METTL6: variants seen among roughly 807,000 people sequenced by gnomAD.
METTL6 encodes the protein tRNA N(3)-cytidine methyltransferase METTL6.
Under a neutral mutation model 26.4 loss-of-function variants are expected in METTL6, and 22 were observed. The ratio of observed to expected loss-of-function variants is 0.83; its 90% CI spans 0.59 to 1.19. METTL6 has a LOEUF of 1.19. Ranked by LOEUF, METTL6 falls within the 50% of genes most tolerant of loss-of-function variation. The probability of loss-of-function intolerance (pLI) is 0.00; values close to 1 mark genes in which losing one functional copy is unlikely to be tolerated. For missense variants in METTL6, 304 were observed against 324.8 expected (o/e 0.94, Z 0.49); for synonymous variants, 109 against 116.2 (o/e 0.94, Z 0.40).
chr3:15,397,612 C>T (rs570245848), intron 6 of METTL6, among the ~76,000 whole-genome samples: 95 of 152,270 alleles, frequency 6.2e-4, no homozygotes, highest in African/African-American at 2.1e-3. Flanking sequence ...TGTTCCTATT[C>T]GGCCATCTTC....
rs551800321 is a variant in METTL6, at chr3:15,426,287, C to T, written c.225G>A (p.Glu75=). Residue 75 remains glutamate (E), a splice_region_variant and synonymous_variant, in exon 2 of 6, where the codon GAG becomes GAA. Transcript: ENST00000383790. ...REFEELRSCR[E]FEDQKLTMLE... ...CAGATAAGGCGTAATATTAGCTTAC[C>T]TCTCTACATGATCTTAGCTCCTCAA... 6.2e-7 allele frequency: 1 copy of T among 1,612,800 alleles called. No homozygotes were observed. Among genetic ancestry groups the T allele is most frequent in the Middle Eastern group, 1.7e-4 (1 of 6,060 alleles).
intron 6 of METTL6, among the ~76,000 whole-genome samples, chr3:15,400,125 G>A (rs1484307345): frequency 6.6e-6 from 1 of 152,100 alleles, no homozygotes; most frequent in African/African-American, 2.4e-5. Context: ...CCACCCTTCT[G>A]AAGGGTGCTA....
rs2061687646 is a variant in METTL6 at position 15,425,055 on chromosome 3, C to A, written c.260G>T (p.Gly87Val). Reference protein sequence around the residue: ...EDQKLTMLEAGCGVGNCLFPL... With the variant: ...EDQKLTMLEAVCGVGNCLFPL... ...GAATAAACAGTTTCCAACCCCACAG[C>A]CAGCTTCAAGCATTGTTAACTTTTG... The change falls in exon 3 of 6, where the codon GGC (glycine) becomes GTC (valine). Residue 87 changes from glycine (G) to valine (V), a missense_variant. Transcript: ENST00000383790. 5 of 1,614,170 alleles carry A rather than the reference C, an allele frequency of 3.1e-6. No homozygotes were observed. The highest frequency in any genetic ancestry group is 3.4e-6 in the Non-Finnish European group (4 of 1,180,030).
At chr3:15,421,114 C>T (rs965243259) in intron 3 of METTL6, among the ~76,000 whole-genome samples, 4 of 152,152 alleles carry the variant, frequency 2.6e-5, no homozygotes, top group Non-Finnish European at 4.4e-5. Flanking sequence ...ATCTCCATAT[C>T]TAGAAGATGG....
chr3:15,415,803 T>G lies in METTL6; in HGVS notation c.500A>C (p.Lys167Thr). The stretch of plus-strand genomic sequence containing the variant: ...AATGTTTTGTAAGACAAGGTGCATC[T>G]TATCAGGATGAACAGCTGACAGCAC... Reference protein sequence around the residue: ...IFVLSAVHPDKMHLVLQNIYK... With the variant: ...IFVLSAVHPDTMHLVLQNIYK... The change falls in exon 4 of 6, where the codon AAG becomes ACG. Residue 167 changes from lysine (K) to threonine (T), a missense_variant. By Grantham distance (78) the Lys-to-Thr change is moderately conservative. Coordinates refer to ENST00000383790, the MANE Select transcript of METTL6 (RefSeq NM_152396.4). 6.2e-7 allele frequency: 1 copy of G among 1,613,978 alleles called. No individual in the cohort carries two copies. Among genetic ancestry groups the G allele is most frequent in the Non-Finnish European group, 8.5e-7 (1 of 1,179,978 alleles).
exon 7 of METTL6, chr3:15,382,033 C>T (rs1699092397): frequency 6.6e-6 from 1 of 150,950 alleles, no homozygotes; most frequent in Non-Finnish European, 1.5e-5. Context: ...ATCCCTGGAA[C>T]TAACATTTCT....
intron 3 of METTL6, among the ~76,000 whole-genome samples, chr3:15,420,607 C>G (rs767635834): frequency 1.3e-4 from 20 of 152,148 alleles, no homozygotes; most frequent in Non-Finnish European, 2.5e-4. Context: ...GACCACTGTA[C>G]CTTATGTCCA....
At chr3:15,404,529 T>TTA in intron 6 of METTL6, among the ~76,000 whole-genome samples, 1 of 141,608 alleles carries the variant, frequency 7.1e-6, no homozygotes, top group East Asian at 2.1e-4. Context: ...TTTTTTTTTT[T>TTA]AAGTAGAGAC....
chr3:15,406,078 A>G (rs1699775210), downstream of METTL6, among the ~76,000 whole-genome samples: 1 of 151,964 alleles, frequency 6.6e-6, no homozygotes. Context: ...GAAAAGTTCA[A>G]AAGAAACATA....
Position 15,411,147 on chromosome 3 carries a change from G to A in METTL6, c.*109C>T, listed in dbSNP as rs997414451. The A allele has an allele frequency of 1.6e-4, 202 of 1,234,448 alleles. No individual in the cohort carries two copies. Among genetic ancestry groups the A allele is most frequent in the Non-Finnish European group, 2.0e-4 (176 of 898,120 alleles). The allele number at this position is 1,234,448 out of a possible 1,614,324, so 76.5% of individuals were successfully genotyped here. A position where few individuals can be genotyped will look rare whatever the true frequency, so the allele number is the denominator to read the frequency against. On this transcript the variant is annotated 3_prime_UTR_variant, in exon 6 of 6. Transcript: ENST00000383790. ...TGACCTCAGATGATCCCCCAACCTC[G>A]GCCTCCCGAAGTGCTGGGATTACAG...
At chr3:15,392,413 T>C (rs1699374716) in intron 6 of METTL6, among the ~76,000 whole-genome samples, 1 of 152,128 alleles carries the variant, frequency 6.6e-6, no homozygotes, top group African/African-American at 2.4e-5. Context: ...GTCAGATGAG[T>C]AGGTTGCAAA....
chr3:15,391,746 G>A (rs1490299847), intron 6 of METTL6, among the ~76,000 whole-genome samples: 1 of 150,026 alleles, frequency 6.7e-6, no homozygotes, highest in Non-Finnish European at 1.5e-5. Context: ...AGAACATGCG[G>A]TGTTTGGTTT....
chr3:15,385,282 G>T (rs1016642557), intron 6 of METTL6, among the ~76,000 whole-genome samples: 6 of 152,082 alleles, frequency 3.9e-5, no homozygotes, highest in African/African-American at 1.4e-4. Flanking sequence ...TTTAGGAACT[G>T]CCCCTTCTTT....
chr3:15,415,972 T>C (rs1355555514), intron 3 of METTL6, 30 bp from the exon 4 acceptor site: 2 of 1,582,932 alleles, frequency 1.3e-6, no homozygotes, highest in Admixed American at 1.8e-5. Flanking sequence ...AAATGAATTT[T>C]AATGCAACCA....
chr3:15,397,473 A>G (rs1307737361), intron 6 of METTL6, among the ~76,000 whole-genome samples: 1 of 152,068 alleles, frequency 6.6e-6, no homozygotes, highest in African/African-American at 2.4e-5. Context: ...CTCGGGCTCA[A>G]TGCACGGCAC....
rs1009471970 is a variant in METTL6, at chr3:15,410,323, AT to A, written c.*932del. Among the ~76,000 whole-genome samples the A allele has an allele frequency of 2.0e-5, 3 of 151,806 alleles. No homozygotes were observed. The highest frequency in any genetic ancestry group is 7.3e-5 in the African/African-American group (3 of 41,356). ...AAGTTATGTGAATGTGATCTTTCAA[AT>A]TTTTTTTGTTTTTTTTGAGACAGAC... On this transcript the variant is annotated 3_prime_UTR_variant, in exon 6 of 6. Coordinates refer to ENST00000383790, the MANE Select transcript of METTL6 (RefSeq NM_152396.4).
chr3:15,419,868 T>C (rs115130975), intron 3 of METTL6, among the ~76,000 whole-genome samples: 11,273 of 149,724 alleles, frequency 0.075, 491 homozygotes, highest in East Asian at 0.19. Context: ...TTTCTTTTTT[T>C]TTTTTTTTTT....
exon 7 of METTL6, chr3:15,381,342 G>T (rs1699080683): frequency 6.6e-6 from 1 of 152,142 alleles, no homozygotes; most frequent in Non-Finnish European, 1.5e-5. Flanking sequence ...GTAGTGTCCT[G>T]AAGAACCATT....
intron 3 of METTL6, among the ~76,000 whole-genome samples, chr3:15,416,434 T>C (rs1700209466): frequency 6.6e-6 from 1 of 152,108 alleles, no homozygotes. Flanking sequence ...ATTTTTATTT[T>C]TGTAAAGATG....
Sources: allele counts gnomAD v4.1 joint callset (sites outside exome capture counted in the v4.1 genomes callset), GRCh38; gene constraint gnomAD v4.1.1; transcripts MANE v1.5; gene names NCBI Gene and HGNC (gene_info 2026-07-23, HGNC 2026-07-21).